MS4A15: variants seen among roughly 807,000 people sequenced by gnomAD.
MS4A15 encodes membrane spanning 4-domains A15, also known as membrane-spanning 4-domains subfamily A member 15.
Under a neutral mutation model 20.6 loss-of-function variants are expected in MS4A15, and 22 were observed. That is an observed-to-expected ratio of 1.07 (90% CI 0.76 to 1.52). The LOEUF (loss-of-function observed/expected upper bound fraction) is 1.52, where lower values mean the gene tolerates loss of function less well. Ranked by LOEUF, MS4A15 falls within the 40% of genes most tolerant of loss-of-function variation. The pLI is 0.00. For synonymous variants in MS4A15, 129 were observed against 129.3 expected (o/e 1.00, Z 0.02); for missense variants, 312 against 323.0 (o/e 0.97, Z 0.26).
At chr11:60,772,158 G>A (rs759939011) in intron 4 of MS4A15, among the ~76,000 whole-genome samples, 1 of 152,182 alleles carries the variant, frequency 6.6e-6, no homozygotes, top group Non-Finnish European at 1.5e-5. Flanking sequence ...CAACAACCAC[G>A]GAAGAGCCCG....
rs755734116 is a variant in MS4A15 at position 60,771,324 on chromosome 11, G to A, written c.382G>A (p.Glu128Lys). The A allele has an allele frequency of 7.4e-6, 12 of 1,614,002 alleles. No homozygotes were observed. Among genetic ancestry groups the A allele is most frequent in the South Asian group, 1.1e-5 (1 of 91,068 alleles). Residue 128 changes from glutamate (E) to lysine (K), a missense_variant, in exon 4 of 7, where the codon GAG (glutamate) becomes AAG (lysine). Coordinates refer to ENST00000405633, the MANE Select transcript of MS4A15 (RefSeq NM_001098835.2). ...IISGSLSVAAEKNHTSCLVRS... is the reference protein window; with the variant it reads ...IISGSLSVAAKKNHTSCLVRS... ...CTCCGGATCCCTCTCAGTGGCAGCC[G>A]AGAAGAACCACACCAGTTGCCTGGT...
intron 1 of MS4A15, among the ~76,000 whole-genome samples, chr11:60,757,317 T>C (rs75298395): frequency 0.012 from 1,835 of 152,308 alleles, 37 homozygotes; most frequent in African/African-American, 0.041. Context: ...GGTCACTGCC[T>C]GAAAACAGGA....
intron 4 of MS4A15, chr11:60,771,671 TACC>T (rs1348942242): frequency 6.5e-6 from 9 of 1,386,356 alleles, no homozygotes; most frequent in Non-Finnish European, 8.6e-6. Flanking sequence ...GACTTAGAAA[TACC>T]ACAGGGAAAG....
intron 5 of MS4A15, 54 bp from the exon 6 acceptor site, chr11:60,773,783 G>T (rs983635324): frequency 1.1e-5 from 16 of 1,492,728 alleles, no homozygotes; most frequent in Non-Finnish European, 1.5e-5. Flanking sequence ...TCACTCGGGG[G>T]ACCCCCTTAC....
At chr11:60,773,731 G>A (rs1854104632) in intron 5 of MS4A15, 106 bp from the exon 6 acceptor site, 1 of 981,320 alleles carries the variant, frequency 1.0e-6, no homozygotes, top group African/African-American at 1.6e-5. Context: ...TCCAGGCACA[G>A]CTCTGCTCCC....
Position 60,769,046 on chromosome 11 carries a change from C to T in MS4A15, c.348+1391C>T, listed in dbSNP as rs538106617. 8.7e-4 allele frequency among the ~76,000 whole-genome samples: 133 copies of T among 152,238 alleles called. 3 individuals carry two copies. The South Asian group carries it at 0.022, about 25-fold the overall frequency. On this transcript the variant is annotated intron_variant, in intron 3 of 6. Coordinates refer to ENST00000405633, the MANE Select transcript of MS4A15 (RefSeq NM_001098835.2). ...TGAAGGTGGAGGAAAATTTTGCAAT[C>T]GGGAGAACCCATGGGGAGAAATCAC... is the stretch of plus-strand genomic sequence containing the variant.
intron 1 of MS4A15, among the ~76,000 whole-genome samples, chr11:60,762,877 A>T (rs1467363638): frequency 3.3e-5 from 5 of 152,208 alleles, no homozygotes; most frequent in Non-Finnish European, 7.3e-5. Context: ...AAACAGGACA[A>T]GGATTGAGGT....
intron 2 of MS4A15, among the ~76,000 whole-genome samples, chr11:60,765,701 T>C (rs1241042170): frequency 1.3e-5 from 2 of 152,156 alleles, no homozygotes; most frequent in Non-Finnish European, 2.9e-5. Context: ...CCAGGACCTC[T>C]GGCTCAATCA....
At chr11:60,760,314 C>G (rs1042612084) in intron 1 of MS4A15, among the ~76,000 whole-genome samples, 3 of 152,338 alleles carry the variant, frequency 2.0e-5, no homozygotes, top group African/African-American at 7.2e-5. Context: ...AACACTTGCT[C>G]AAGCTCACAT....
intron 1 of MS4A15, among the ~76,000 whole-genome samples, chr11:60,761,611 G>A (rs746419989): frequency 2.6e-5 from 4 of 152,208 alleles, no homozygotes; most frequent in Non-Finnish European, 5.9e-5. Flanking sequence ...CCTGGTCAGA[G>A]TACAGGCTTT....
Position 60,773,835 on chromosome 11 carries a change from A to T in MS4A15, c.499-2A>T, listed in dbSNP as rs763188669. On this transcript the variant is annotated splice_acceptor_variant, in intron 5 of 6. Coordinates refer to ENST00000405633, the MANE Select transcript of MS4A15 (RefSeq NM_001098835.2). LOFTEE classifies it high-confidence loss of function. ...CACCTTTCTGTGGGTTTTGGTCCCC[A>T]GGATGTGGACAGGGGCTATCTGGCC... 1 of 1,613,400 alleles carries T rather than the reference A, an allele frequency of 6.2e-7. No individual in the cohort carries two copies. Among genetic ancestry groups the T allele is most frequent in the Non-Finnish European group, 8.5e-7 (1 of 1,179,332 alleles).
intron 1 of MS4A15, 63 bp from the exon 2 acceptor site, chr11:60,763,643 T>C: frequency 7.2e-7 from 1 of 1,388,034 alleles, no homozygotes; most frequent in Non-Finnish European, 1.0e-6. Context: ...GGCACGTTGC[T>C]TATCAACTAA....
At chr11:60,757,251 G>A (rs942954571) in intron 1 of MS4A15, among the ~76,000 whole-genome samples, 193 bp downstream of exon 1, 2 of 152,238 alleles carry the variant, frequency 1.3e-5, no homozygotes, top group Non-Finnish European at 2.9e-5. Flanking sequence ...TAATTCGGCA[G>A]GAATGCCCTT....
Position 60,766,802 on chromosome 11 carries a change from G to A in MS4A15, c.226-731G>A, listed in dbSNP as rs573248225. On this transcript the variant is annotated intron_variant, in intron 2 of 6. Transcript: ENST00000405633. ...CCCATAAAAGGACCATGCTGGTTTGGGTAGTGGTGAGTACTGGTCACTGGA... is the reference window on the plus strand; with the variant it reads ...CCCATAAAAGGACCATGCTGGTTTGAGTAGTGGTGAGTACTGGTCACTGGA... Among the ~76,000 whole-genome samples the A allele has an allele frequency of 1.8e-4, 27 of 152,364 alleles. No homozygotes were observed. In the South Asian group the frequency reaches 5.2e-3, roughly 29 times the overall value.
rs1471982257 is a variant in MS4A15 at position 60,773,941 on chromosome 11, G to A, written c.603G>A (p.Gln201=). 2 of 1,613,600 alleles carry A rather than the reference G, an allele frequency of 1.2e-6. No homozygotes were observed. The highest frequency in any genetic ancestry group is 2.7e-5 in the African/African-American group (2 of 74,900). ...MHFGCQAIHA[Q]ASAPVIFLPN... ...TCGGGTGCCAAGCCATCCATGCCCA[G>A]GCCAGTGCAGTGAGTACCCCCACCC... The change falls in exon 6 of 7, where the codon CAG becomes CAA. Residue 201 remains glutamine, a synonymous_variant. Coordinates refer to ENST00000405633, the MANE Select transcript of MS4A15 (RefSeq NM_001098835.2).
chr11:60,759,823 C>T (rs1477996787), intron 1 of MS4A15, among the ~76,000 whole-genome samples: 2 of 152,136 alleles, frequency 1.3e-5, no homozygotes, highest in African/African-American at 2.4e-5. Context: ...ATTTATGATG[C>T]AGATTCCCTT....
At chr11:60,763,983 C>T in intron 2 of MS4A15, 25 bp downstream of exon 2, 1 of 1,586,530 alleles carries the variant, frequency 6.3e-7, no homozygotes, top group African/African-American at 1.3e-5. Flanking sequence ...TCTGCACAAC[C>T]TGAGGCAGGT....
chr11:60,770,831 G>A (rs904394042), intron 3 of MS4A15, among the ~76,000 whole-genome samples: 12 of 151,612 alleles, frequency 7.9e-5, no homozygotes, highest in Non-Finnish European at 5.9e-5. Flanking sequence ...TTAGCCTCCC[G>A]AGTAGGTGGG....
At chr11:60,760,949 T>C (rs796615404) in intron 1 of MS4A15, among the ~76,000 whole-genome samples, 2 of 152,188 alleles carry the variant, frequency 1.3e-5, no homozygotes, top group South Asian at 4.1e-4. Context: ...GTTTCTTATG[T>C]ATCTGGGGGT....
Sources: allele counts gnomAD v4.1 joint callset (sites outside exome capture counted in the v4.1 genomes callset), GRCh38; gene constraint gnomAD v4.1.1; transcripts MANE v1.5; gene names NCBI Gene and HGNC (gene_info 2026-07-23, HGNC 2026-07-21).